FARP1: variants seen among roughly 807,000 people sequenced by gnomAD.
FARP1 encodes the protein FERM, ARHGEF and pleckstrin domain-containing protein 1.
In FARP1, 52 loss-of-function variants were observed where a neutral mutation model predicts 128.8. The ratio of observed to expected loss-of-function variants is 0.40; its 90% CI spans 0.32 to 0.51. The LOEUF (loss-of-function observed/expected upper bound fraction) is 0.51. Among genes scored for constraint, FARP1 ranks in the 20% least tolerant of loss-of-function variants. FARP1 has a pLI of 0.45. For missense variants in FARP1, 1,333 were observed against 1,367.9 expected, an observed-to-expected ratio of 0.97 and a Z score of 0.40; for synonymous variants, 580 against 551.8, an observed-to-expected ratio of 1.05 and a Z score of -0.72.
At chr13:98,351,459 A>T (rs1474329922) in intron 3 of FARP1, among the ~76,000 whole-genome samples, 4 of 152,024 alleles carry the variant, frequency 2.6e-5, no homozygotes, top group Non-Finnish European at 5.9e-5. Context: ...AAAAATACGA[A>T]AAATTAGCTG....
At position 98,420,698 on chromosome 13, in the gene FARP1, C is replaced by T. The variant is rs1360171901; in HGVS notation, c.1827-3874C>T. 2.6e-5 allele frequency among the ~76,000 whole-genome samples: 4 copies of T among 152,270 alleles called. No individual in the cohort carries two copies. In the East Asian group the frequency reaches 7.7e-4, roughly 29 times the overall value. ...TCTTGGTTGCTGTGTGGTAATTACC[C>T]AGGCAATAAATATGTGGCCCTGCCT... On this transcript the variant is annotated intron_variant, in intron 16 of 26. Transcript: ENST00000319562.
chr13:98,266,810 G>A (rs117046997), intron 2 of FARP1, among the ~76,000 whole-genome samples: 17,743 of 151,910 alleles, frequency 0.12, 1,125 homozygotes, highest in Non-Finnish European at 0.14. Flanking sequence ...TCAGGAGTTC[G>A]AGACCAGCCT....
At chr13:98,256,969 A>G (rs1487913513) in intron 2 of FARP1, among the ~76,000 whole-genome samples, 31 of 137,690 alleles carry the variant, frequency 2.3e-4, no homozygotes, top group East Asian at 6.2e-4. Flanking sequence ...ATATATATAT[A>G]TATATATATA....
At chr13:98,240,482 G>T (rs1240661141) in intron 2 of FARP1, among the ~76,000 whole-genome samples, 3 of 152,196 alleles carry the variant, frequency 2.0e-5, no homozygotes, top group Admixed American at 6.5e-5. Context: ...GGCACTGGGG[G>T]CAGGCAAACA....
At chr13:98,154,189 T>TG (rs1876331889) in intron 1 of FARP1, among the ~76,000 whole-genome samples, 1 of 152,242 alleles carries the variant, frequency 6.6e-6, no homozygotes, top group African/African-American at 2.4e-5. Context: ...GAAGAACAGT[T>TG]GACTTGTGTC....
intron 2 of FARP1, among the ~76,000 whole-genome samples, chr13:98,305,293 G>A (rs184691981): frequency 3.3e-5 from 5 of 151,518 alleles, no homozygotes; most frequent in East Asian, 3.9e-4. Flanking sequence ...TTTATCCCTC[G>A]CACTTTCAAT....
chr13:98,332,447 A>AC (rs1262251414), intron 2 of FARP1: 1 of 151,912 alleles, frequency 6.6e-6, no homozygotes, highest in Non-Finnish European at 1.5e-5. Context: ...GCTCACCCCC[A>AC]CCCCCACTCA....
intron 16 of FARP1, 86 bp downstream of exon 16, chr13:98,412,120 A>C: frequency 7.4e-7 from 1 of 1,350,352 alleles, no homozygotes; most frequent in Non-Finnish European, 1.0e-6. Context: ...GGCAGCAGGC[A>C]GGAACAAAGA....
At chr13:98,348,237 T>G (rs1299413543) in intron 3 of FARP1, among the ~76,000 whole-genome samples, 1 of 152,256 alleles carries the variant, frequency 6.6e-6, no homozygotes, top group Non-Finnish European at 1.5e-5. Context: ...TGCCCTTGGC[T>G]CTTGTCCTGC....
intron 2 of FARP1, among the ~76,000 whole-genome samples, chr13:98,215,775 CCATT>C (rs1208941429): frequency 2.0e-4 from 30 of 152,082 alleles, no homozygotes; most frequent in African/African-American, 6.8e-4. Context: ...CATGTCTCCT[CCATT>C]CATATTTTTC....
At chr13:98,273,940 A>G (rs1884508706) in intron 2 of FARP1, among the ~76,000 whole-genome samples, 2 of 152,194 alleles carry the variant, frequency 1.3e-5, no homozygotes, top group Non-Finnish European at 2.9e-5. Flanking sequence ...TGACAGACTT[A>G]GCCACTTATA....
At chr13:98,429,441 A>G (rs1222525688) in intron 17 of FARP1, among the ~76,000 whole-genome samples, 1 of 152,206 alleles carries the variant, frequency 6.6e-6, no homozygotes, top group Non-Finnish European at 1.5e-5. Flanking sequence ...GGCTCAACTC[A>G]CAGTGAAGTG....
chr13:98,279,380 A>G (rs899524337), intron 2 of FARP1, among the ~76,000 whole-genome samples: 2 of 150,768 alleles, frequency 1.3e-5, no homozygotes, highest in East Asian at 3.8e-4. Context: ...CTTTTTATTA[A>G]TGCAATTAAA....
rs145303380 is a variant in FARP1, at chr13:98,176,731, G to A, written c.-24+33239G>A. ...TATGGGGCCCTTCCTCGCCATCCCCGAGGAGGAGTTGCCCATGGACGTGTC... is the reference window on the plus strand; with the variant it reads ...TATGGGGCCCTTCCTCGCCATCCCCAAGGAGGAGTTGCCCATGGACGTGTC... On this transcript the variant is annotated intron_variant, in intron 1 of 26. Coordinates refer to ENST00000319562, the MANE Select transcript of FARP1 (RefSeq NM_005766.4). The surrounding 1 kb of genome is among the most constrained non-coding windows in gnomAD (Gnocchi z 6.2). 4.1e-4 allele frequency: 658 copies of A among 1,614,018 alleles called. 1 individual carries two copies. The highest frequency in any genetic ancestry group is 5.1e-4 in the Non-Finnish European group (606 of 1,179,994).
intron 2 of FARP1, among the ~76,000 whole-genome samples, chr13:98,290,302 T>C (rs1318635960): frequency 1.3e-5 from 2 of 152,042 alleles, no homozygotes; most frequent in Non-Finnish European, 2.9e-5. Context: ...GATATATACA[T>C]GTTCATATTT....
chr13:98,411,195 T>G (rs1891178982), intron 15 of FARP1, among the ~76,000 whole-genome samples: 1 of 152,210 alleles, frequency 6.6e-6, no homozygotes. Flanking sequence ...ATTTTATCTT[T>G]GATAATAAAT....
At chr13:98,272,222 G>C (rs1036662320) in intron 2 of FARP1, among the ~76,000 whole-genome samples, 2 of 152,082 alleles carry the variant, frequency 1.3e-5, no homozygotes, top group Admixed American at 6.5e-5. Flanking sequence ...TAGAGATGGA[G>C]TTTCACCATG....
At chr13:98,260,937 G>A (rs1337071428) in intron 2 of FARP1, among the ~76,000 whole-genome samples, 2 of 152,174 alleles carry the variant, frequency 1.3e-5, no homozygotes, top group South Asian at 2.1e-4. Context: ...GTTAAACACC[G>A]AGGCAGGAGG....
rs368911842 is a variant in FARP1, at chr13:98,277,109, TAC to T, written c.171+63735_171+63736del. On this transcript the variant is annotated intron_variant, in intron 2 of 26. Transcript: ENST00000319562. ...AGCTCTTGGATCTGCTCTAGAAAAA[TAC>T]ACACACACACACACACACACACACA... is the stretch of plus-strand genomic sequence containing the variant. 9.9e-3 allele frequency among the ~76,000 whole-genome samples: 1,174 copies of T among 118,178 alleles called. 18 individuals are homozygous for T. Among genetic ancestry groups the T allele is most frequent in the African/African-American group, 0.025 (800 of 31,956 alleles). 77.5% of individuals were successfully genotyped at this position (118,178 alleles called of 152,430 possible). A position where few individuals can be genotyped will look rare whatever the true frequency, so the allele number is the denominator to read the frequency against.
Sources: gnomAD v4.1 joint callset for allele counts (sites outside exome capture counted in the v4.1 genomes callset) on GRCh38, gnomAD v4.1.1 for gene constraint, Gnocchi (gnomAD v3.1) non-coding constraint, MANE v1.5 for transcripts, NCBI Gene and HGNC (gene_info 2026-07-23, HGNC 2026-07-21) for gene names.